XKR5: variants seen among roughly 807,000 people sequenced by gnomAD.
The protein encoded by XKR5 is XK-related protein 5.
Under a neutral mutation model 40.8 loss-of-function variants are expected in XKR5, and 46 were observed. The observed-to-expected ratio is 1.13, with a 90% CI of 0.89 to 1.44. XKR5 has a LOEUF of 1.44. Ranked by LOEUF, XKR5 falls within the 40% of genes most tolerant of loss-of-function variation. The probability of loss-of-function intolerance (pLI) is 0.00; values close to 1 mark genes in which losing one functional copy is unlikely to be tolerated. For missense variants in XKR5, 1,169 were observed against 844.7 expected (o/e 1.38, Z -4.76); for synonymous variants, 466 against 356.1 (o/e 1.31, Z -3.48).
Position 6,832,032 on chromosome 8 carries a change from A to AC in XKR5, c.242+684_242+685insG, listed in dbSNP as rs1456928107. Among the ~76,000 whole-genome samples, 9 of 145,986 alleles carry AC rather than the reference A, an allele frequency of 6.2e-5. No individual in the cohort carries two copies. The East Asian group carries it at 1.6e-3, about 26-fold the overall frequency. On this transcript the variant is annotated intron_variant, in intron 2 of 6. Transcript: ENST00000618742. Reference sequence around the variant, plus strand: ...TCCATCTCAAAAAAAAAAAAAAAAAAAAACAAACCTAACAACCCAATGGAA... The same window carrying AC: ...TCCATCTCAAAAAAAAAAAAAAAAAACAAACAAACCTAACAACCCAATGGAA...
rs188788125 is a variant in XKR5 at position 6,815,059 on chromosome 8, A to G, written c.919+748T>C. 5.1e-4 allele frequency among the ~76,000 whole-genome samples: 78 copies of G among 152,354 alleles called. 1 individual carries two copies. Among genetic ancestry groups the G allele is most frequent in the Middle Eastern group, 6.8e-3 (2 of 294 alleles). ...GAATCTCTGTCCTGGCCCATGTTGC[A>G]GAAGCACGAGGCCCCACGTGAGAGG... On this transcript the variant is annotated intron_variant, in intron 6 of 6. Transcript: ENST00000618742.
intron 1 of XKR5, among the ~76,000 whole-genome samples, chr8:6,835,142 G>C (rs950377362): frequency 6.6e-6 from 1 of 151,980 alleles, no homozygotes; most frequent in African/African-American, 2.4e-5. Context: ...CGTGGGGCGG[G>C]GGGATCGTGC....
chr8:6,814,020 C>T (rs923490624), intron 6 of XKR5, among the ~76,000 whole-genome samples: 4 of 152,186 alleles, frequency 2.6e-5, no homozygotes, highest in Non-Finnish European at 5.9e-5. Flanking sequence ...ACCTCCCGGC[C>T]GGCAAGGCCC....
chr8:6,821,790 A>G, intron 5 of XKR5, 79 bp downstream of exon 5: 1 of 1,318,900 alleles, frequency 7.6e-7, no homozygotes, highest in East Asian at 2.5e-5. Context: ...ACACACACAC[A>G]CACCCCCCAC....
intron 4 of XKR5, among the ~76,000 whole-genome samples, chr8:6,823,097 G>A (rs1268263799): frequency 6.6e-6 from 1 of 152,148 alleles, no homozygotes; most frequent in Non-Finnish European, 1.5e-5. Context: ...TCTAAGCTAT[G>A]GCAGAGTATC....
chr8:6,830,657 T>A (rs974854316), intron 2 of XKR5, among the ~76,000 whole-genome samples: 5 of 152,212 alleles, frequency 3.3e-5, no homozygotes, highest in African/African-American at 1.2e-4. Context: ...AGGATGTGTA[T>A]TTTTAAAGTC....
intron 4 of XKR5, 78 bp downstream of exon 4, chr8:6,823,443 G>A (rs1804327011): frequency 7.0e-7 from 1 of 1,438,002 alleles, no homozygotes; most frequent in African/African-American, 1.4e-5. Context: ...AGGATCATAT[G>A]TGGTTATTCT....
intron 2 of XKR5, 52 bp from the exon 3 acceptor site, chr8:6,825,401 A>T: frequency 1.4e-6 from 2 of 1,456,548 alleles, no homozygotes; most frequent in Non-Finnish European, 1.8e-6. Flanking sequence ...GGCGAGATTC[A>T]ATAGGACGAG....
Position 6,822,048 on chromosome 8 carries a change from A to G in XKR5, c.638-10T>C, listed in dbSNP as rs1253820293. On this transcript the variant is annotated splice_polypyrimidine_tract_variant and intron_variant, in intron 4 of 6. Transcript: ENST00000618742. ...ACCAGCCAGTGGGCACCTGCAGAGAAGCCGGGTGCAGACGTCAGGGTCCAT... is the reference window on the plus strand; with the variant it reads ...ACCAGCCAGTGGGCACCTGCAGAGAGGCCGGGTGCAGACGTCAGGGTCCAT... 23 of 1,599,062 alleles carry G rather than the reference A, an allele frequency of 1.4e-5. No individual in the cohort carries two copies. The highest frequency in any genetic ancestry group is 1.8e-5 in the Non-Finnish European group (21 of 1,172,690).
chr8:6,811,466 A>T lies in XKR5; in HGVS notation c.1793T>A (p.Ile598Asn). ...LAPFPDTMAD[I>N]SPILGTGPCR... ...TGGGCCTGTGCCTAGGATGGGGCTA[A>T]TGTCGGCCATGGTGTCGGGGAAGGG... Residue 598 changes from isoleucine to asparagine, a missense_variant, in exon 7 of 7, where the codon ATT (isoleucine) becomes AAT (asparagine). Ile to Asn is a moderately radical substitution (Grantham distance 149). Transcript: ENST00000618742. 8 of 1,531,880 alleles carry T rather than the reference A, an allele frequency of 5.2e-6. No homozygotes were observed. Among genetic ancestry groups the T allele is most frequent in the Non-Finnish European group, 7.0e-6 (8 of 1,143,730 alleles). 94.9% of individuals were successfully genotyped at this position (1,531,880 alleles called of 1,614,324 possible).
rs775862491 is a variant in XKR5 at position 6,811,706 on chromosome 8, GC to G, written c.1552del (p.Ala518LeufsTer85). 18 of 1,537,580 alleles carry G rather than the reference GC, an allele frequency of 1.2e-5. No individual in the cohort carries two copies. The highest frequency in any genetic ancestry group is 1.6e-5 in the Non-Finnish European group (18 of 1,147,046). ...CCCCTTCCCCTGTGTCCCAGAAACA[GC>G]GTCAGCTCCTTCCTTTGGGGTGCCC... Reference protein sequence around the residue: ...GEGTPKEGADAVSGTQGKGTG... With the variant: ...GEGTPKEGADXVSGTQGKGTG... On this transcript the variant is annotated frameshift_variant, in exon 7 of 7. Coordinates refer to ENST00000618742, the MANE Select transcript of XKR5 (RefSeq NM_207411.5). LOFTEE classifies it low-confidence loss of function (END_TRUNC).
At chr8:6,833,249 A>G (rs1587209312) in intron 1 of XKR5, among the ~76,000 whole-genome samples, 1 of 152,338 alleles carries the variant, frequency 6.6e-6, no homozygotes, top group East Asian at 1.9e-4. Context: ...GAAATTATTC[A>G]AAGGGCTAAT....
At chr8:6,826,296 G>C (rs114749087) in intron 2 of XKR5, among the ~76,000 whole-genome samples, 4 of 152,060 alleles carry the variant, frequency 2.6e-5, no homozygotes, top group African/African-American at 9.7e-5. Flanking sequence ...ATTCATGTAT[G>C]TGTGCAGTGT....
chr8:6,828,770 T>C (rs1438135688), intron 2 of XKR5, among the ~76,000 whole-genome samples: 1 of 152,210 alleles, frequency 6.6e-6, no homozygotes, highest in Non-Finnish European at 1.5e-5. Context: ...CATTTGCCCA[T>C]ATTATTCCTT....
At chr8:6,824,175 T>A (rs1259973361) in intron 3 of XKR5, among the ~76,000 whole-genome samples, 3 of 152,180 alleles carry the variant, frequency 2.0e-5, no homozygotes, top group Non-Finnish European at 2.9e-5. Flanking sequence ...AAACATCAAA[T>A]GGTGTCAGGC....
At position 6,810,829 on chromosome 8, in the gene XKR5, A is replaced by T. The variant is rs1803644395; in HGVS notation, c.*369T>A. 5.7e-6 allele frequency: 1 copy of T among 175,232 alleles called. No individual in the cohort carries two copies. 10.9% of individuals were successfully genotyped at this position (175,232 alleles called of 1,614,324 possible). A position where few individuals can be genotyped will look rare whatever the true frequency, so the allele number is the denominator to read the frequency against. On this transcript the variant is annotated 3_prime_UTR_variant, in exon 7 of 7. Coordinates refer to ENST00000618742, the MANE Select transcript of XKR5 (RefSeq NM_207411.5). ...CTAAATGTGAGGCAAAGCTAATTGTAACAAGAACCTCAAATAAAATAGGAA... is the reference window on the plus strand; with the variant it reads ...CTAAATGTGAGGCAAAGCTAATTGTTACAAGAACCTCAAATAAAATAGGAA...
intron 2 of XKR5, among the ~76,000 whole-genome samples, chr8:6,825,607 C>A (rs975225592): frequency 2.8e-4 from 43 of 151,710 alleles, no homozygotes; most frequent in African/African-American, 9.2e-4. Context: ...GACCTGGGGG[C>A]TCTTTGAGCT....
Position 6,825,298 on chromosome 8 carries a change from G to T in XKR5, c.294C>A (p.His98Gln). 6.2e-7 allele frequency: 1 copy of T among 1,608,802 alleles called. No homozygotes were observed. The highest frequency in any genetic ancestry group is 8.5e-7 in the Non-Finnish European group (1 of 1,178,068). ...TSLQKELEAP[H>Q]RGWLQLQEAD... ...CCTCCTGCAGCTGCAGCCAGCCTCG[G>T]TGGGGAGCCTCCAGTTCCTTCTGCA... Residue 98 changes from histidine to glutamine, a missense_variant, in exon 3 of 7, where the codon CAC (histidine) becomes CAA (glutamine). By Grantham distance (24) the His-to-Gln change is conservative. Transcript: ENST00000618742.
intron 5 of XKR5, among the ~76,000 whole-genome samples, chr8:6,818,764 C>G (rs750253779): frequency 6.6e-6 from 1 of 152,226 alleles, no homozygotes; most frequent in Non-Finnish European, 1.5e-5. Flanking sequence ...TGACAACCAG[C>G]AGGGCTGAGG....
Sources: gnomAD v4.1 joint callset for allele counts (sites outside exome capture counted in the v4.1 genomes callset) on GRCh38, gnomAD v4.1.1 for gene constraint, MANE v1.5 for transcripts, NCBI Gene and HGNC (gene_info 2026-07-23, HGNC 2026-07-21) for gene names.